ATAD3A: variants seen among roughly 807,000 people sequenced by gnomAD.
The protein encoded by ATAD3A is ATPase family AAA domain containing 3A.
A neutral mutation model predicts 73.8 loss-of-function variants in ATAD3A; 46 were observed. The ratio of observed to expected loss-of-function variants is 0.62; its 90% confidence interval spans 0.49 to 0.80. The LOEUF (loss-of-function observed/expected upper bound fraction) is 0.80, where lower values mean the gene tolerates loss of function less well. Ranked by LOEUF, ATAD3A falls within the 30% of genes least tolerant of loss-of-function variation. ATAD3A has a pLI of 0.00. For synonymous variants in ATAD3A, 319 were observed against 350.0 expected (o/e 0.91, Z 0.99); for missense variants, 705 against 838.0 (o/e 0.84, Z 1.96).
At chr1:1,518,292 CCA>C (rs149530233) in intron 4 of ATAD3A, among the ~76,000 whole-genome samples, 4 of 137,406 alleles carry the variant, frequency 2.9e-5, no homozygotes, top group Non-Finnish European at 4.7e-5. Flanking sequence ...ACGTACCCCC[CCA>C]CACACACACA....
intron 1 of ATAD3A, chr1:1,512,800 G>C (rs1303324655): frequency 9.6e-7 from 1 of 1,044,258 alleles, no homozygotes; most frequent in African/African-American, 1.7e-5. Context: ...TGCGCTTGCC[G>C]CCTCCACGTG....
In ATAD3A at chr1:1,527,676, C is replaced by T; in HGVS notation, c.1338-19C>T. The T allele has an allele frequency of 3.8e-6, 6 of 1,599,236 alleles. No homozygotes were observed. Among genetic ancestry groups the T allele is most frequent in the Non-Finnish European group, 4.3e-6 (5 of 1,171,130 alleles). ...CGGCCGGCAGCCCCAGCATCCTCATCCTCATCCCCGCCCCGCAGGTTCATG... is the reference window on the plus strand; with the variant it reads ...CGGCCGGCAGCCCCAGCATCCTCATTCTCATCCCCGCCCCGCAGGTTCATG... On this transcript the variant is annotated intron_variant, in intron 13 of 15. Transcript: ENST00000378756.
chr1:1,531,093 G>T (rs1642019593), intron 15 of ATAD3A, among the ~76,000 whole-genome samples: 1 of 152,140 alleles, frequency 6.6e-6, no homozygotes, highest in Non-Finnish European at 1.5e-5. Context: ...AGGAGGCGGA[G>T]GATGCGGTGA....
In ATAD3A at chr1:1,523,131, G is replaced by T. The variant is rs1265115197; in HGVS notation, c.906+232G>T. Among the ~76,000 whole-genome samples, 1 of 151,978 alleles carries T rather than the reference G, an allele frequency of 6.6e-6. No individual in the cohort carries two copies. Among genetic ancestry groups the T allele is most frequent in the Non-Finnish European group, 1.5e-5 (1 of 68,008 alleles). ...TCCCCTGCTCAGGGCTCTTGATGGG[G>T]CCTGGGAGCACATCGGGGTCCTTGC... On this transcript the variant is annotated intron_variant, in intron 8 of 15. Coordinates refer to ENST00000378756, the MANE Select transcript of ATAD3A (RefSeq NM_001170535.3). The surrounding 1 kb of genome is among the most constrained non-coding windows in gnomAD (Gnocchi z 5.1).
chr1:1,516,765 C>T (rs192277020), intron 2 of ATAD3A, among the ~76,000 whole-genome samples: 16 of 151,748 alleles, frequency 1.1e-4, no homozygotes, highest in South Asian at 6.3e-4. Context: ...TCTTCCAGGC[C>T]GGTGTGCAGT....
Position 1,525,288 on chromosome 1 carries a change from C to T in ATAD3A, c.1263C>T (p.Ala421=), listed in dbSNP as rs765378350. The T allele has an allele frequency of 4.3e-6, 7 of 1,613,910 alleles. No individual in the cohort carries two copies. The South Asian group carries it at 6.6e-5, about 15-fold the overall frequency. The change falls in exon 12 of 16, where the codon GCC becomes GCT. Residue 421 remains alanine, a synonymous_variant. Transcript: ENST00000378756. ...DEADAFLRKR[A]TEKISEDLRA... is the part of the protein sequence containing the mutation. ...CGGACGCCTTCCTTCGGAAGCGAGCCACCGTGAGTGTCACTAAGCCTCTGG... is the reference window on the plus strand; with the variant it reads ...CGGACGCCTTCCTTCGGAAGCGAGCTACCGTGAGTGTCACTAAGCCTCTGG...
At chr1:1,532,104 T>G (rs774689000) in intron 15 of ATAD3A, among the ~76,000 whole-genome samples, 4 of 152,246 alleles carry the variant, frequency 2.6e-5, no homozygotes, top group Non-Finnish European at 4.4e-5. Context: ...TGATTGATTT[T>G]TGTACGTTGA....
At chr1:1,532,502 T>C (rs1237662470) in intron 15 of ATAD3A, among the ~76,000 whole-genome samples, 1 of 152,220 alleles carries the variant, frequency 6.6e-6, no homozygotes, top group East Asian at 1.9e-4. Flanking sequence ...CCTTGCCACG[T>C]GGTGAACATC....
chr1:1,516,981 G>C (rs987771164), intron 2 of ATAD3A: 3 of 1,169,784 alleles, frequency 2.6e-6, no homozygotes, highest in East Asian at 5.2e-5. Flanking sequence ...CAAAGTGCTG[G>C]GATTATAAGC....
chr1:1,527,577 G>A (rs376994832), intron 13 of ATAD3A, 118 bp from the exon 14 acceptor site: 15 of 1,331,888 alleles, frequency 1.1e-5, no homozygotes, highest in African/African-American at 4.4e-5. Context: ...GGCTGTGCCC[G>A]TGTCCTCGTG....
chr1:1,514,504 T>C (rs767810849), intron 1 of ATAD3A, among the ~76,000 whole-genome samples: 60 of 152,280 alleles, frequency 3.9e-4, no homozygotes, highest in Non-Finnish European at 7.8e-4. Context: ...CTGTGCTCTG[T>C]TCACTGGGGC....
chr1:1,513,971 C>T (rs1570316217), intron 1 of ATAD3A, among the ~76,000 whole-genome samples: 1 of 152,172 alleles, frequency 6.6e-6, no homozygotes, highest in African/African-American at 2.4e-5. Context: ...TTGGAAGTCA[C>T]AGCAGTACAT....
At position 1,517,076 on chromosome 1, in the gene ATAD3A, C is replaced by CAAAAGGG. The variant is rs1641382767; in HGVS notation, c.283-235_283-234insAAAAGGG. 58 of 1,511,834 alleles carry CAAAAGGG rather than the reference C, an allele frequency of 3.8e-5. 2 individuals carry two copies. In the South Asian group the frequency reaches 7.2e-4, roughly 19 times the overall value. 93.7% of individuals were successfully genotyped at this position (1,511,834 alleles called of 1,614,324 possible). Reference sequence around the variant, plus strand: ...TCAGTGCAGTCCAAAAGGGGGTGTCCGGCCTCCCTCCCGGGGGGCCTTCGC... The same window carrying CAAAAGGG: ...TCAGTGCAGTCCAAAAGGGGGTGTCCAAAAGGGGGCCTCCCTCCCGGGGGGCCTTCGC... On this transcript the variant is annotated intron_variant, in intron 2 of 15. Transcript: ENST00000378756.
At chr1:1,532,593 C>G (rs1393847149) in intron 15 of ATAD3A, among the ~76,000 whole-genome samples, 1 of 152,204 alleles carries the variant, frequency 6.6e-6, no homozygotes, top group Non-Finnish European at 1.5e-5. Context: ...TTAGCTGTCA[C>G]TTCTGGTGGG....
chr1:1,525,581 AT>A (rs1212997152), intron 12 of ATAD3A, among the ~76,000 whole-genome samples: 2 of 151,628 alleles, frequency 1.3e-5, no homozygotes, highest in African/African-American at 4.9e-5. Flanking sequence ...CACCTGGCTA[AT>A]TTTTTGTGTT....
rs761233960 is a variant in ATAD3A, at chr1:1,520,505, G to A, written c.681-43G>A. 22 of 1,613,978 alleles carry A rather than the reference G, an allele frequency of 1.4e-5. No homozygotes were observed. Among genetic ancestry groups the A allele is most frequent in the African/African-American group, 4.0e-5 (3 of 74,950 alleles). ...CAACCTGCTCTCGCTGCGTGGCACG[G>A]ATCTTCGTGTCCTTCCTGGTCACAC... On this transcript the variant is annotated intron_variant, in intron 6 of 15. Coordinates refer to ENST00000378756, the MANE Select transcript of ATAD3A (RefSeq NM_001170535.3). This position sits in a 1 kb window ranked among gnomAD's most constrained non-coding sequence, Gnocchi z 4.0.
intron 11 of ATAD3A, among the ~76,000 whole-genome samples, chr1:1,524,862 C>A (rs959703773): frequency 1.3e-5 from 2 of 151,290 alleles, no homozygotes; most frequent in African/African-American, 4.9e-5. Flanking sequence ...CGGCTGTCCT[C>A]GTTGGAACCA....
At chr1:1,533,884 G>A in intron 15 of ATAD3A, 42 bp from the exon 16 acceptor site, 3 of 1,599,994 alleles carry the variant, frequency 1.9e-6, no homozygotes, top group Non-Finnish European at 2.6e-6. Flanking sequence ...GGGGTGGGGG[G>A]TTCCCATGGC....
Position 1,512,998 on chromosome 1 carries a change from G to T in ATAD3A, c.205+525G>T, listed in dbSNP as rs537661186. ...GTGAAGCCACAGGCCAGGCCGTGCT[G>T]CTCAGCTTGAGTAAACCCCTGACCC... is the stretch of plus-strand genomic sequence containing the variant. On this transcript the variant is annotated intron_variant, in intron 1 of 15. Coordinates refer to ENST00000378756, the MANE Select transcript of ATAD3A (RefSeq NM_001170535.3). Among the ~76,000 whole-genome samples the T allele has an allele frequency of 3.3e-5, 5 of 152,370 alleles. No individual in the cohort carries two copies. In the East Asian group the frequency reaches 9.6e-4, roughly 29 times the overall value.
Sources: allele counts gnomAD v4.1 joint callset (sites outside exome capture counted in the v4.1 genomes callset), GRCh38; gene constraint gnomAD v4.1.1; non-coding constraint Gnocchi (gnomAD v3.1); transcripts MANE v1.5; gene names NCBI Gene and HGNC (gene_info 2026-07-23, HGNC 2026-07-21).